TOP2B: variants seen among roughly 807,000 people sequenced by gnomAD.
TOP2B encodes the protein DNA topoisomerase II beta.
Under a neutral mutation model 193.5 loss-of-function variants are expected in TOP2B, and 51 were observed. That is an observed-to-expected ratio of 0.26 (90% CI 0.21 to 0.33). The LOEUF (loss-of-function observed/expected upper bound fraction) is 0.33. Among genes scored for constraint, TOP2B ranks in the 10% least tolerant of loss-of-function variants. The probability of loss-of-function intolerance (pLI) is 1.00; values close to 1 mark genes in which losing one functional copy is unlikely to be tolerated. For synonymous variants in TOP2B, 634 were observed against 635.7 expected (o/e 1.00, Z 0.04); for missense variants, 1,378 against 1,909.3 (o/e 0.72, Z 5.19).
In TOP2B at chr3:25,623,703, G is replaced by C. The variant is rs1479769291; in HGVS notation, c.2539C>G (p.Leu847Val). The C allele has an allele frequency of 6.2e-7, 1 of 1,613,638 alleles. No homozygotes were observed. Among genetic ancestry groups the C allele is most frequent in the Admixed American group, 1.7e-5 (1 of 59,978 alleles). ...TGATTATCATCATAAAGGAACTTAA[G>C]GAGGTTGTCATCCACAGCAGGAAAA... ...LLFPAVDDNL[L>V]KFLYDDNQRV... The change falls in exon 21 of 36, where the codon CTT becomes GTT. Residue 847 changes from leucine to valine, a missense_variant. Leu to Val is a conservative substitution (Grantham distance 32). Coordinates refer to ENST00000264331, the MANE Select transcript of TOP2B (RefSeq NM_001330700.2).
Position 25,623,703 on chromosome 3 carries a change from G to A in TOP2B, c.2539C>T (p.Leu847Phe). 6.2e-7 allele frequency: 1 copy of A among 1,613,756 alleles called. No individual in the cohort carries two copies. The change falls in exon 21 of 36, where the codon CTT (leucine) becomes TTT (phenylalanine). Residue 847 changes from leucine (L) to phenylalanine (F), a missense_variant. By Grantham distance (22) the Leu-to-Phe change is conservative (BLOSUM62 0). Transcript: ENST00000264331. ...TGATTATCATCATAAAGGAACTTAA[G>A]GAGGTTGTCATCCACAGCAGGAAAA... ...LLFPAVDDNL[L>F]KFLYDDNQRV...
chr3:25,620,044 A>T lies in TOP2B; in HGVS notation c.2881T>A (p.Leu961Ile). The T allele has an allele frequency of 6.5e-7, 1 of 1,536,128 alleles. No individual in the cohort carries two copies. The highest frequency in any genetic ancestry group is 8.8e-7 in the Non-Finnish European group (1 of 1,131,980). Residue 961 changes from leucine to isoleucine, a missense_variant, in exon 23 of 36, where the codon TTA becomes ATA. Leu to Ile is a conservative substitution (Grantham distance 5, BLOSUM62 2). Transcript: ENST00000264331. ...TWTQVYKEQVLEPMLNGTDKT... is the reference protein window; with the variant it reads ...TWTQVYKEQVIEPMLNGTDKT... ...TCTGTTCCATTTAGCATAGGTTCTA[A>T]AACCTGTTCTTTATATACCTATAAA... is the stretch of plus-strand genomic sequence containing the variant.
chr3:25,623,830 G>A (rs1173685215), intron 20 of TOP2B, 84 bp from the exon 21 acceptor site: 8 of 800,662 alleles, frequency 1.0e-5, no homozygotes, highest in South Asian at 5.6e-5. Flanking sequence ...ACTTCACACT[G>A]CAAAAACAAA....
At position 25,629,732 on chromosome 3, in the gene TOP2B, T is replaced by C. The variant is rs1230601538; in HGVS notation, c.1689+297A>G. On this transcript the variant is annotated intron_variant, in intron 13 of 35. Coordinates refer to ENST00000264331, the MANE Select transcript of TOP2B (RefSeq NM_001330700.2). ...AAATCATGCCATCATGTATAAATATTAACCCTTATCATTAATCTTTCTTAC... is the reference window on the plus strand; with the variant it reads ...AAATCATGCCATCATGTATAAATATCAACCCTTATCATTAATCTTTCTTAC... Among the ~76,000 whole-genome samples, 3 of 152,206 alleles carry C rather than the reference T, an allele frequency of 2.0e-5. No homozygotes were observed. In the East Asian group the frequency reaches 5.8e-4, roughly 29 times the overall value.
chr3:25,664,137 C>T (rs1704009605), intron 1 of TOP2B, 92 bp downstream of exon 1: 1 of 1,508,132 alleles, frequency 6.6e-7, no homozygotes, highest in South Asian at 1.2e-5. Flanking sequence ...ACGGGATTTC[C>T]CTCCCTTTCC....
chr3:25,645,251 A>G (rs1378585053), intron 2 of TOP2B, 49 bp downstream of exon 2: 2 of 1,423,870 alleles, frequency 1.4e-6, no homozygotes, highest in Admixed American at 4.8e-5. Flanking sequence ...ATTAAAAAGT[A>G]AATATAGATG....
intron 3 of TOP2B, 123 bp from the exon 4 acceptor site, chr3:25,642,508 A>C: frequency 2.0e-6 from 1 of 495,362 alleles, no homozygotes; most frequent in East Asian, 3.2e-5. Flanking sequence ...AATGAAAATA[A>C]TTACTATTAA....
intron 15 of TOP2B, among the ~76,000 whole-genome samples, chr3:25,627,805 C>T (rs536664718): frequency 6.6e-6 from 1 of 151,890 alleles, no homozygotes; most frequent in South Asian, 2.1e-4. Flanking sequence ...CATGGTGGCT[C>T]ATGCCTGTAA....
intron 28 of TOP2B, 35 bp from the exon 29 acceptor site, chr3:25,609,747 A>C: frequency 3.5e-6 from 5 of 1,428,754 alleles, no homozygotes; most frequent in Non-Finnish European, 4.6e-6. Context: ...CCACGAGTAA[A>C]AATAAAAACA....
rs1332183516 is a variant in TOP2B, at chr3:25,615,549, T to C, written c.3389A>G (p.Asp1130Gly). Residue 1130 changes from aspartate (D) to glycine (G), a missense_variant, in exon 26 of 36, where the codon GAT becomes GGT. Coordinates refer to ENST00000264331, the MANE Select transcript of TOP2B (RefSeq NM_001330700.2). ...EEDETQNQHD[D>G]SSSDSGTPSG... is the part of the protein sequence containing the mutation. ...AGGAGTTCCTGAATCGGAGGAACTA[T>C]CATCATGCTGGTTTTGTGTTTCATC... 1.3e-6 allele frequency: 2 copies of C among 1,572,304 alleles called. No individual in the cohort carries two copies. Among genetic ancestry groups the C allele is most frequent in the East Asian group, 2.3e-5 (1 of 43,192 alleles).
intron 30 of TOP2B, among the ~76,000 whole-genome samples, chr3:25,607,715 A>G (rs1479033293): frequency 6.6e-6 from 1 of 152,238 alleles, no homozygotes; most frequent in Non-Finnish European, 1.5e-5. Context: ...ACAAATGACA[A>G]CAAATACAAT....
chr3:25,618,127 T>C (rs1046184475), intron 25 of TOP2B: 5 of 330,338 alleles, frequency 1.5e-5, no homozygotes, highest in Non-Finnish European at 2.8e-5. Context: ...ACAACACCTT[T>C]TAATGGCAGA....
intron 33 of TOP2B, among the ~76,000 whole-genome samples, chr3:25,604,454 G>A (rs1035933708): frequency 6.6e-6 from 1 of 151,966 alleles, no homozygotes; most frequent in African/African-American, 2.4e-5. Flanking sequence ...ACAGAAGCAA[G>A]CTACTAGCAA....
intron 26 of TOP2B, 70 bp from the exon 27 acceptor site, chr3:25,615,358 A>C: frequency 6.5e-7 from 1 of 1,550,286 alleles, no homozygotes; most frequent in Non-Finnish European, 8.7e-7. Context: ...CAAAATACTT[A>C]TTTTTGGAAA....
At position 25,648,472 on chromosome 3, in the gene TOP2B, A is replaced by T. The variant is rs529692030; in HGVS notation, c.70-3002T>A. Among the ~76,000 whole-genome samples, 4 of 152,346 alleles carry T rather than the reference A, an allele frequency of 2.6e-5. No homozygotes were observed. The South Asian group carries it at 6.2e-4, about 24-fold the overall frequency. On this transcript the variant is annotated intron_variant, in intron 1 of 35. Transcript: ENST00000264331. ...CCCAGTATGAAACCAGACCGCAAAGACCAGAGAGTTAGCTAAGCCTTCAAA... is the reference window on the plus strand; with the variant it reads ...CCCAGTATGAAACCAGACCGCAAAGTCCAGAGAGTTAGCTAAGCCTTCAAA...
rs554531274 is a variant in TOP2B at position 25,635,838 on chromosome 3, G to A, written c.852+98C>T. ...AAATGTGAATCATCTGAACACACCA[G>A]TAAAAGAGACTACCAGATGAGCTTT... On this transcript the variant is annotated intron_variant, in intron 7 of 35. Transcript: ENST00000264331. 8 of 962,164 alleles carry A rather than the reference G, an allele frequency of 8.3e-6. 1 individual carries two copies. In the East Asian group the frequency reaches 1.3e-4, roughly 16 times the overall value. The allele number at this position is 962,164 out of a possible 1,614,324, so 59.6% of individuals were successfully genotyped here.
intron 1 of TOP2B, among the ~76,000 whole-genome samples, chr3:25,663,659 A>G (rs1559513549): frequency 6.6e-6 from 1 of 152,192 alleles, no homozygotes; most frequent in Non-Finnish European, 1.5e-5. Context: ...GACCTACAGT[A>G]TTAACTGCTG....
At chr3:25,624,841 G>T in intron 18 of TOP2B, 38 bp from the exon 19 acceptor site, 1 of 1,590,110 alleles carries the variant, frequency 6.3e-7, no homozygotes, top group Non-Finnish European at 8.6e-7. Flanking sequence ...GTTACTTCAA[G>T]ATATAGTTGT....
chr3:25,650,894 T>C (rs996020406), intron 1 of TOP2B, among the ~76,000 whole-genome samples: 1 of 152,228 alleles, frequency 6.6e-6, no homozygotes, highest in African/African-American at 2.4e-5. Flanking sequence ...AGCTTCTTCA[T>C]AAACTTGATG....
Sources: gnomAD v4.1 joint callset for allele counts (sites outside exome capture counted in the v4.1 genomes callset) on GRCh38, gnomAD v4.1.1 for gene constraint, MANE v1.5 for transcripts, NCBI Gene and HGNC (gene_info 2026-07-23, HGNC 2026-07-21) for gene names.